POF1B: variants seen among roughly 807,000 people sequenced by gnomAD.
POF1B encodes the protein protein POF1B.
Under a neutral mutation model 55.3 loss-of-function variants are expected in POF1B, and 53 were observed. That is an observed-to-expected ratio of 0.96 (90% CI 0.77 to 1.20). POF1B has a LOEUF of 1.20. Ranked by LOEUF, POF1B falls within the 50% of genes most tolerant of loss-of-function variation. The pLI is 0.00. For synonymous variants in POF1B, 188 were observed against 148.3 expected (o/e 1.27, Z -1.95); for missense variants, 478 against 420.5 (o/e 1.14, Z -1.20).
chrX:85,301,505 A>T (rs774218906), intron 15 of POF1B, among the ~76,000 whole-genome samples: 2 of 111,828 alleles, frequency 1.8e-5, no homozygotes, highest in Non-Finnish European at 3.8e-5. Flanking sequence ...AGGGAGTCCT[A>T]CAAGAAATAC....
At chrX:85,281,774 A>G (rs920071268) in intron 16 of POF1B, among the ~76,000 whole-genome samples, 1 of 108,835 alleles carries the variant, frequency 9.2e-6, no homozygotes, top group African/African-American at 3.3e-5. Flanking sequence ...ACCACATGCA[A>G]GATTGCAAGA....
intron 15 of POF1B, among the ~76,000 whole-genome samples, chrX:85,283,327 A>G (rs1468692368): frequency 1.8e-5 from 2 of 110,792 alleles, no homozygotes; most frequent in Non-Finnish European, 3.8e-5. Context: ...TATTAGAAAC[A>G]TATAAAATAT....
At chrX:85,330,102 T>C (rs1161103835) in intron 7 of POF1B, among the ~76,000 whole-genome samples, 1 of 110,130 alleles carries the variant, frequency 9.1e-6, no homozygotes, top group Non-Finnish European at 1.9e-5. Flanking sequence ...AGATTTTGCC[T>C]GACAGATGGC....
intron 5 of POF1B, among the ~76,000 whole-genome samples, chrX:85,348,069 A>G (rs1360837644): frequency 9.0e-6 from 1 of 110,831 alleles, no homozygotes; most frequent in African/African-American, 3.3e-5. Context: ...CAATAAAGAA[A>G]TCAAAAACTG....
At chrX:85,377,417 TTA>T (rs1603087220) in intron 2 of POF1B, among the ~76,000 whole-genome samples, 1 of 112,300 alleles carries the variant, frequency 8.9e-6, no homozygotes, top group Non-Finnish European at 1.9e-5. Context: ...GTTTGAAAAT[TTA>T]TAGTCAAATA....
chrX:85,363,080 G>A (rs1476028498), intron 3 of POF1B, among the ~76,000 whole-genome samples: 2 of 111,099 alleles, frequency 1.8e-5, no homozygotes, highest in Non-Finnish European at 3.8e-5. Context: ...TTTCTCTGAG[G>A]TCAGTGGTAA....
intron 9 of POF1B, among the ~76,000 whole-genome samples, chrX:85,311,183 A>T (rs1782038037): frequency 1.8e-5 from 2 of 111,488 alleles, no homozygotes; most frequent in South Asian, 7.5e-4. Flanking sequence ...AAATACAATA[A>T]GTTTTCCTTC....
intron 7 of POF1B, among the ~76,000 whole-genome samples, chrX:85,329,514 C>T (rs973861680): frequency 9.0e-6 from 1 of 110,814 alleles, no homozygotes; most frequent in African/African-American, 3.3e-5. Flanking sequence ...CTATTGAGCA[C>T]CACAGTAAAC....
At chrX:85,317,821 A>G (rs1932800543) in intron 7 of POF1B, among the ~76,000 whole-genome samples, 1 of 111,804 alleles carries the variant, frequency 8.9e-6, no homozygotes, top group Non-Finnish European at 1.9e-5. Context: ...AATCAACCTA[A>G]ATGCCCGTCA....
intron 15 of POF1B, among the ~76,000 whole-genome samples, chrX:85,284,722 A>T (rs1232837604): frequency 1.8e-5 from 2 of 111,698 alleles, no homozygotes; most frequent in African/African-American, 6.5e-5. Flanking sequence ...AACCTAGGCA[A>T]TACCATTCAG....
intron 8 of POF1B, among the ~76,000 whole-genome samples, chrX:85,314,862 T>C (rs765198964): frequency 3.6e-5 from 4 of 111,826 alleles, no homozygotes; most frequent in Non-Finnish European, 7.5e-5. Flanking sequence ...ACTGGAAGTT[T>C]TGTTGAGTGA....
chrX:85,377,973 C>T (rs1271938593), intron 2 of POF1B, among the ~76,000 whole-genome samples: 4 of 111,995 alleles, frequency 3.6e-5, no homozygotes, highest in South Asian at 3.7e-4. Flanking sequence ...TGTTTTTAAT[C>T]TGCACATCAT....
chrX:85,320,080 T>A (rs915530628), intron 7 of POF1B, among the ~76,000 whole-genome samples: 1 of 111,385 alleles, frequency 9.0e-6, no homozygotes, highest in Non-Finnish European at 1.9e-5. Flanking sequence ...AGGGATTCAG[T>A]CTCTTCCTGG....
At chrX:85,313,595 T>G (rs190947287) in intron 9 of POF1B, among the ~76,000 whole-genome samples, 1 of 111,812 alleles carries the variant, frequency 8.9e-6, no homozygotes, top group African/African-American at 3.2e-5. Flanking sequence ...TATTGAGGAT[T>G]TTTGCATCGA....
intron 6 of POF1B, 129 bp downstream of exon 6, chrX:85,345,731 G>A: frequency 1.7e-6 from 1 of 583,324 alleles, no homozygotes; most frequent in East Asian, 3.8e-5. Context: ...ATGCTGACAA[G>A]GCACAAATAC....
intron 3 of POF1B, among the ~76,000 whole-genome samples, chrX:85,364,739 T>A (rs1235734746): frequency 9.0e-6 from 1 of 111,633 alleles, no homozygotes; most frequent in East Asian, 2.8e-4. Flanking sequence ...GAGGATGATC[T>A]TCTTGTGTAG....
intron 15 of POF1B, among the ~76,000 whole-genome samples, chrX:85,284,738 A>G (rs1246555759): frequency 1.8e-5 from 2 of 111,920 alleles, no homozygotes; most frequent in African/African-American, 6.5e-5. Flanking sequence ...TTCAGGACAT[A>G]GGCGTGGGCA....
intron 4 of POF1B, among the ~76,000 whole-genome samples, chrX:85,358,340 A>G (rs1933541391): frequency 9.0e-6 from 1 of 111,217 alleles, no homozygotes; most frequent in African/African-American, 3.3e-5. Flanking sequence ...CTACATAGCT[A>G]TTTGTGGACC....
chrX:85,334,794 A>G (rs1287655242), intron 6 of POF1B, among the ~76,000 whole-genome samples: 1 of 111,500 alleles, frequency 9.0e-6, no homozygotes, highest in Non-Finnish European at 1.9e-5. Context: ...CATATTTGTG[A>G]TCTATGAGTA....
Sources: gnomAD v4.1 joint callset for allele counts (sites outside exome capture counted in the v4.1 genomes callset) on GRCh38, gnomAD v4.1.1 for gene constraint, MANE v1.5 for transcripts, NCBI Gene and HGNC (gene_info 2026-07-23, HGNC 2026-07-21) for gene names.